Variants in GRAP2 observed in about 807,000 individuals in gnomAD.
GRAP2 encodes the protein GRB2 related adaptor protein 2, also known as GRB2-related adapter protein 2.
Under a neutral mutation model 43.5 loss-of-function variants are expected in GRAP2, and 31 were observed. That is an observed-to-expected ratio of 0.71 (90% CI 0.54 to 0.96). GRAP2 has a LOEUF of 0.96. GRAP2 is among the 40% of genes least tolerant of loss of function. GRAP2 has a pLI of 0.00. For synonymous variants in GRAP2, 156 were observed against 164.8 expected (o/e 0.95, Z 0.41); for missense variants, 371 against 424.4 (o/e 0.87, Z 1.11).
intron 1 of GRAP2, among the ~76,000 whole-genome samples, chr22:39,940,919 A>G (rs1400984331): frequency 1.3e-5 from 2 of 152,338 alleles, no homozygotes; most frequent in African/African-American, 2.4e-5. Context: ...GGGACTCAAG[A>G]TGCAAAGAAA....
intron 1 of GRAP2, among the ~76,000 whole-genome samples, chr22:39,933,852 A>G (rs1201041785): frequency 6.6e-6 from 1 of 151,714 alleles, no homozygotes; most frequent in Non-Finnish European, 1.5e-5. Context: ...AAAAAAAAAA[A>G]AAGAAAAGAA....
chr22:39,932,180 A>C (rs1293180156), intron 1 of GRAP2, among the ~76,000 whole-genome samples: 10 of 152,190 alleles, frequency 6.6e-5, no homozygotes, highest in Admixed American at 6.5e-4. Context: ...AGTCCTTGCT[A>C]TTCTTCTTAA....
At chr22:39,905,488 T>C (rs1002585533) in intron 1 of GRAP2, among the ~76,000 whole-genome samples, 1 of 152,180 alleles carries the variant, frequency 6.6e-6, no homozygotes, top group Non-Finnish European at 1.5e-5. Context: ...GTTATTCTTT[T>C]TGTGCTTCAG....
intron 1 of GRAP2, among the ~76,000 whole-genome samples, chr22:39,904,847 G>A (rs1439160288): frequency 6.6e-6 from 1 of 152,178 alleles, no homozygotes; most frequent in Non-Finnish European, 1.5e-5. Context: ...CAGTTCTCTT[G>A]TACCAGGTCC....
chr22:39,946,636 A>G (rs898006563), intron 1 of GRAP2, among the ~76,000 whole-genome samples: 3 of 152,234 alleles, frequency 2.0e-5, no homozygotes, highest in African/African-American at 7.2e-5. Context: ...GATGTAAAAG[A>G]GGAAATGGCA....
chr22:39,965,891 C>T (rs2067167372), intron 4 of GRAP2, 99 bp from the exon 5 acceptor site: 2 of 1,006,812 alleles, frequency 2.0e-6, no homozygotes, highest in African/African-American at 1.6e-5. Context: ...ATCTACATCT[C>T]CTGCTCAAAG....
Position 39,968,160 on chromosome 22 carries a change from T to G in GRAP2, c.578T>G (p.Leu193Arg). 1 of 1,608,552 alleles carries G rather than the reference T, an allele frequency of 6.2e-7. No individual in the cohort carries two copies. The highest frequency in any genetic ancestry group is 8.5e-7 in the Non-Finnish European group (1 of 1,177,532). The change falls in exon 6 of 8, where the codon CTT becomes CGT. Residue 193 changes from leucine to arginine, a missense_variant. Physicochemically the swap from Leu to Arg is moderately radical, Grantham distance 102 (BLOSUM62 -2). Coordinates refer to ENST00000344138, the MANE Select transcript of GRAP2 (RefSeq NM_004810.4). ...AAGCTGTCGGATCACCCCCCGACCC[T>G]TCCCCTGCAGCAGCACCAGCACCAG... ...NRKLSDHPPT[L>R]PLQQHQHQPQ...
upstream of GRAP2, among the ~76,000 whole-genome samples, chr22:39,900,259 C>T (rs1243842658): frequency 2.6e-5 from 4 of 152,218 alleles, no homozygotes; most frequent in Non-Finnish European, 5.9e-5. Flanking sequence ...CTCCTTGACA[C>T]TCTCCTCTTG....
chr22:39,950,507 C>T (rs2066970872), intron 2 of GRAP2, among the ~76,000 whole-genome samples: 1 of 152,224 alleles, frequency 6.6e-6, no homozygotes, highest in African/African-American at 2.4e-5. Flanking sequence ...AACTCCCTGA[C>T]ACTTGACGAA....
intron 4 of GRAP2, among the ~76,000 whole-genome samples, chr22:39,962,971 A>C (rs776369029): frequency 2.0e-5 from 3 of 152,096 alleles, no homozygotes; most frequent in Non-Finnish European, 4.4e-5. Flanking sequence ...GCCCGGACCC[A>C]GAACTATGGT....
At chr22:39,896,080 G>A in the GRAP2 span, among the ~76,000 whole-genome samples, 1 of 152,150 alleles carries the variant, frequency 6.6e-6, no homozygotes, top group Non-Finnish European at 1.5e-5. Flanking sequence ...TGTTATGTTT[G>A]GAGAAGGTCA....
At chr22:39,943,041 G>C (rs888169823) in intron 1 of GRAP2, among the ~76,000 whole-genome samples, 1 of 152,142 alleles carries the variant, frequency 6.6e-6, no homozygotes, top group African/African-American at 2.4e-5. Context: ...ATAGCTTTGT[G>C]GTGTTATGCA....
intron 1 of GRAP2, among the ~76,000 whole-genome samples, chr22:39,920,352 G>A (rs1487559560): frequency 6.6e-6 from 1 of 152,196 alleles, no homozygotes; most frequent in East Asian, 1.9e-4. Flanking sequence ...TGCCCAATGT[G>A]TGAACTGATA....
chr22:39,939,297 T>C (rs2066839801), intron 1 of GRAP2, among the ~76,000 whole-genome samples: 1 of 152,140 alleles, frequency 6.6e-6, no homozygotes, highest in African/African-American at 2.4e-5. Flanking sequence ...GCGCGGTGGC[T>C]CGCGCCTGTA....
intron 1 of GRAP2, among the ~76,000 whole-genome samples, chr22:39,921,554 G>A (rs1278217922): frequency 3.3e-5 from 5 of 152,176 alleles, no homozygotes; most frequent in Admixed American, 3.3e-4. Context: ...GAAGGAGGAT[G>A]TTTAGCCATC....
Position 39,944,989 on chromosome 22 carries a change from C to T in GRAP2, c.-14-2104C>T, listed in dbSNP as rs542662784. On this transcript the variant is annotated intron_variant, in intron 1 of 7. Transcript: ENST00000344138. ...TCTACTGTTGATACCATGAGGATGA[C>T]CCACAGAAGTCATGTCTCTCTGCAA... Among the ~76,000 whole-genome samples, 43 of 152,292 alleles carry T rather than the reference C, an allele frequency of 2.8e-4. 1 individual carries two copies. In the South Asian group the frequency reaches 3.5e-3, roughly 12 times the overall value.
intron 1 of GRAP2, among the ~76,000 whole-genome samples, chr22:39,912,301 T>C (rs943079613): frequency 1.3e-5 from 2 of 152,142 alleles, no homozygotes; most frequent in African/African-American, 4.8e-5. Context: ...ATGCCTGTAG[T>C]CCTAGCTACA....
intron 1 of GRAP2, chr22:39,926,482 A>C (rs2066700004): frequency 2.1e-6 from 1 of 474,676 alleles, no homozygotes; most frequent in Admixed American, 6.4e-5. Flanking sequence ...AGCCCAACAA[A>C]AGAAAAAAAA....
chr22:39,972,193 A>G lies in GRAP2; in HGVS notation c.*1109A>G, dbSNP rs577593575. On this transcript the variant is annotated 3_prime_UTR_variant, in exon 8 of 8. Coordinates refer to ENST00000344138, the MANE Select transcript of GRAP2 (RefSeq NM_004810.4). ...CACCATGGCTGTCGCTCTCCATCCC[A>G]TCACGCTAGAATCATGTGTCCAAGG... is the stretch of plus-strand genomic sequence containing the variant. 6.6e-4 allele frequency: 101 copies of G among 152,630 alleles called. No individual in the cohort carries two copies. Among genetic ancestry groups the G allele is most frequent in the African/African-American group, 2.4e-3 (98 of 41,596 alleles). 9.5% of individuals were successfully genotyped at this position (152,630 alleles called of 1,614,324 possible).
Sources: gnomAD v4.1 joint callset for allele counts (sites outside exome capture counted in the v4.1 genomes callset) on GRCh38, gnomAD v4.1.1 for gene constraint, MANE v1.5 for transcripts, NCBI Gene and HGNC (gene_info 2026-07-23, HGNC 2026-07-21) for gene names.